Variants in MEIS2 observed in about 807,000 individuals in gnomAD.
The protein encoded by MEIS2 is homeobox protein Meis2.
Under a neutral mutation model 58.6 loss-of-function variants are expected in MEIS2, and 9 were observed. The ratio of observed to expected loss-of-function variants is 0.15; its 90% CI spans 0.09 to 0.27. The LOEUF (loss-of-function observed/expected upper bound fraction) is 0.27. MEIS2 is among the 10% of genes least tolerant of loss of function. The probability of loss-of-function intolerance (pLI) is 1.00; values close to 1 mark genes in which losing one functional copy is unlikely to be tolerated. For synonymous variants in MEIS2, 221 were observed against 228.4 expected, an observed-to-expected ratio of 0.97 and a Z score of 0.29; for missense variants, 427 against 635.0, an observed-to-expected ratio of 0.67 and a Z score of 3.52.
intron 9 of MEIS2, among the ~76,000 whole-genome samples, chr15:36,926,958 C>A (rs1481440311): frequency 6.6e-6 from 1 of 152,162 alleles, no homozygotes; most frequent in Non-Finnish European, 1.5e-5. Flanking sequence ...CTCCAAAAAG[C>A]ATCTGAATTG....
chr15:36,926,155 C>CT (rs779356754), intron 9 of MEIS2, among the ~76,000 whole-genome samples: 166 of 144,500 alleles, frequency 1.1e-3, no homozygotes, highest in Middle Eastern at 3.7e-3. Flanking sequence ...ATTTCATTTC[C>CT]TTTTTTTTTT....
chr15:36,914,873 G>T (rs1168449598), intron 9 of MEIS2, among the ~76,000 whole-genome samples: 1 of 152,064 alleles, frequency 6.6e-6, no homozygotes, highest in Non-Finnish European at 1.5e-5. Context: ...CAATAGCTTT[G>T]CAGGACAAAA....
chr15:36,932,111 GAA>G (rs1308160338), intron 9 of MEIS2, among the ~76,000 whole-genome samples: 1 of 152,032 alleles, frequency 6.6e-6, no homozygotes, highest in East Asian at 1.9e-4. Context: ...TAAACGTTAG[GAA>G]AAAAGTCACC....
At chr15:36,949,567 T>C (rs1158538782) in intron 9 of MEIS2, among the ~76,000 whole-genome samples, 1 of 152,076 alleles carries the variant, frequency 6.6e-6, no homozygotes, top group Non-Finnish European at 1.5e-5. Context: ...GTGCAAATAC[T>C]TTCCCTGAAT....
At chr15:36,998,771 C>T (rs75748828) in intron 8 of MEIS2, among the ~76,000 whole-genome samples, 4,166 of 152,182 alleles carry the variant, frequency 0.027, 248 homozygotes, top group East Asian at 0.25. Context: ...TGAGGGCTTC[C>T]GTATTACGCC....
At chr15:37,050,450 G>C (rs971107950) in intron 7 of MEIS2, among the ~76,000 whole-genome samples, 1 of 152,126 alleles carries the variant, frequency 6.6e-6, no homozygotes, top group Non-Finnish European at 1.5e-5. Flanking sequence ...TCTCTAAGAG[G>C]TGTAAATTGG....
rs1456673066 is a variant in MEIS2 at position 37,098,017 on chromosome 15, C to T, written c.195G>A (p.Met65Ile). The T allele has an allele frequency of 6.2e-7, 1 of 1,612,522 alleles. No individual in the cohort carries two copies. Among genetic ancestry groups the T allele is most frequent in the Non-Finnish European group, 8.5e-7 (1 of 1,178,992 alleles). ...APHPNVMPAS[M>I]GSAVNDALKR... ...TCAAGGCGTCGTTGACAGCGGATCC[C>T]ATACTGGCCGGCATGACATTGGGGT... The change falls in exon 2 of 12, where the codon ATG becomes ATA. Residue 65 changes from methionine to isoleucine, a missense_variant. Coordinates refer to ENST00000561208, the MANE Select transcript of MEIS2 (RefSeq NM_170675.5).
At chr15:37,076,192 C>T (rs1435476039) in intron 7 of MEIS2, among the ~76,000 whole-genome samples, 1 of 151,888 alleles carries the variant, frequency 6.6e-6, no homozygotes, top group African/African-American at 2.4e-5. Flanking sequence ...CTCCTACTAC[C>T]CTCCTCCCCA....
intron 8 of MEIS2, among the ~76,000 whole-genome samples, chr15:36,956,463 G>A (rs1276855336): frequency 2.0e-5 from 3 of 152,158 alleles, no homozygotes; most frequent in Non-Finnish European, 2.9e-5. Context: ...GATGTAATCA[G>A]TGGTGGCTAA....
chr15:36,891,297 A>C lies in MEIS2; in HGVS notation c.*876T>G, dbSNP rs1197211604. 1 of 152,536 alleles carries C rather than the reference A, an allele frequency of 6.6e-6. No homozygotes were observed. The highest frequency in any genetic ancestry group is 1.5e-5 in the Non-Finnish European group (1 of 68,018). The allele number at this position is 152,536 out of a possible 1,614,324, so 9.4% of individuals were successfully genotyped here. On this transcript the variant is annotated 3_prime_UTR_variant, in exon 12 of 12. Coordinates refer to ENST00000561208, the MANE Select transcript of MEIS2 (RefSeq NM_170675.5). ...ATAGAATATCTAACATGAAACAATT[A>C]ATAGACCGAACTCTGTACGAAGTTT...
intron 9 of MEIS2, among the ~76,000 whole-genome samples, chr15:36,923,532 C>G (rs192337307): frequency 6.6e-6 from 1 of 152,264 alleles, no homozygotes; most frequent in South Asian, 2.1e-4. Flanking sequence ...AGCATTCACT[C>G]TGAACTGAAT....
chr15:37,001,525 C>G (rs767980917), intron 8 of MEIS2, among the ~76,000 whole-genome samples: 34 of 152,064 alleles, frequency 2.2e-4, no homozygotes, highest in Non-Finnish European at 4.4e-4. Context: ...TGGATTGCTT[C>G]CCCCTCTTTC....
At chr15:36,897,968 G>A (rs2056270210) in intron 9 of MEIS2, 1 of 152,210 alleles carries the variant, frequency 6.6e-6, no homozygotes, top group Non-Finnish European at 1.5e-5. Flanking sequence ...GCCCCACTCG[G>A]TCGGGCCTCC....
intron 8 of MEIS2, among the ~76,000 whole-genome samples, chr15:37,024,230 C>G (rs573325935): frequency 1.3e-5 from 2 of 152,156 alleles, no homozygotes; most frequent in South Asian, 2.1e-4. Context: ...TCCACTTCCT[C>G]TACTTTGAAA....
chr15:37,015,454 CCA>C (rs1234989172), intron 8 of MEIS2, among the ~76,000 whole-genome samples: 1 of 138,950 alleles, frequency 7.2e-6, no homozygotes, highest in Non-Finnish European at 1.6e-5. Flanking sequence ...AGGAGTATAT[CCA>C]CACACACACA....
intron 9 of MEIS2, among the ~76,000 whole-genome samples, chr15:36,924,533 G>A (rs1382767323): frequency 6.6e-6 from 1 of 152,146 alleles, no homozygotes; most frequent in Non-Finnish European, 1.5e-5. Context: ...AATACACATA[G>A]GCAGCCAACC....
intron 8 of MEIS2, among the ~76,000 whole-genome samples, chr15:36,954,939 C>T (rs903105859): frequency 4.6e-5 from 7 of 152,150 alleles, no homozygotes; most frequent in African/African-American, 1.4e-4. Flanking sequence ...TGATGCCACT[C>T]ATTCATGAAA....
Position 37,093,746 on chromosome 15 carries a change from T to A in MEIS2, c.490-16A>T. 1.2e-6 allele frequency: 2 copies of A among 1,613,550 alleles called. No homozygotes were observed. Among genetic ancestry groups the A allele is most frequent in the Middle Eastern group, 1.6e-4 (1 of 6,062 alleles). Reference sequence around the variant, plus strand: ...GTTCGTGGACCTAGAACGAAGGTCATGGTGGAGGGTTTAGCTCATGTTGTT... The same window carrying A: ...GTTCGTGGACCTAGAACGAAGGTCAAGGTGGAGGGTTTAGCTCATGTTGTT... On this transcript the variant is annotated splice_polypyrimidine_tract_variant and intron_variant, in intron 5 of 11. Transcript: ENST00000561208.
intron 7 of MEIS2, among the ~76,000 whole-genome samples, chr15:37,062,096 A>T (rs1889294491): frequency 1.3e-5 from 2 of 152,214 alleles, no homozygotes; most frequent in Admixed American, 6.5e-5. Context: ...AACAAGTTAT[A>T]ATAAAAGACT....
Sources: gnomAD v4.1 joint callset for allele counts (sites outside exome capture counted in the v4.1 genomes callset) on GRCh38, gnomAD v4.1.1 for gene constraint, MANE v1.5 for transcripts, NCBI Gene and HGNC (gene_info 2026-07-23, HGNC 2026-07-21) for gene names.